The following EXT2 variants were observed in gnomAD, a reference collection of about 807,000 sequenced individuals.
The protein encoded by EXT2 is exostosin-2.
Under a neutral mutation model 81.6 loss-of-function variants are expected in EXT2, and 53 were observed. The observed-to-expected ratio is 0.65, with a 90% confidence interval of 0.52 to 0.82. The LOEUF (loss-of-function observed/expected upper bound fraction) is 0.82. Ranked by LOEUF, EXT2 falls within the 40% of genes least tolerant of loss-of-function variation. The probability of loss-of-function intolerance (pLI) is 0.00; values close to 1 mark genes in which losing one functional copy is unlikely to be tolerated. For synonymous variants in EXT2, 320 were observed against 340.0 expected (o/e 0.94, Z 0.65); for missense variants, 774 against 910.2 (o/e 0.85, Z 1.93).
At chr11:44,150,529 A>T (rs1443268548) in intron 7 of EXT2, among the ~76,000 whole-genome samples, 1 of 152,224 alleles carries the variant, frequency 6.6e-6, no homozygotes, top group African/African-American at 2.4e-5. Context: ...AGAAAGCAAT[A>T]TGTGTTCACT....
intron 1 of EXT2, 73 bp from the exon 2 acceptor site, chr11:44,107,610 T>G (rs1954073189): frequency 3.6e-6 from 5 of 1,392,074 alleles, no homozygotes; most frequent in Non-Finnish European, 4.9e-6. Flanking sequence ...AAAAAAAAGG[T>G]TGAATAGTCT....
intron 4 of EXT2, among the ~76,000 whole-genome samples, chr11:44,123,135 C>G (rs1954343140): frequency 1.3e-5 from 2 of 152,184 alleles, no homozygotes; most frequent in African/African-American, 4.8e-5. Context: ...CACCTTCACT[C>G]ATTGCTTTAT....
At chr11:44,242,147 A>G (rs954444853) in intron 13 of EXT2, among the ~76,000 whole-genome samples, 1 of 152,206 alleles carries the variant, frequency 6.6e-6, no homozygotes, top group African/African-American at 2.4e-5. Flanking sequence ...CTTCTTTAAT[A>G]CGTACTTGCT....
At chr11:44,114,390 ATACATCAGT>A (rs758669910) in intron 4 of EXT2, 89 bp downstream of exon 4, 2 of 1,145,656 alleles carry the variant, frequency 1.7e-6, no homozygotes, top group Non-Finnish European at 2.6e-6. Context: ...AAAGCAACCA[ATACATCAGT>A]TACAGGGTAG....
intron 9 of EXT2, among the ~76,000 whole-genome samples, chr11:44,206,222 C>T (rs920780693): frequency 1.3e-5 from 2 of 152,178 alleles, no homozygotes; most frequent in Admixed American, 1.3e-4. Context: ...GCACCAAAAG[C>T]TGTTTGACTG....
chr11:44,241,115 C>T (rs1956032151), intron 13 of EXT2, among the ~76,000 whole-genome samples: 1 of 152,102 alleles, frequency 6.6e-6, no homozygotes, highest in African/African-American at 2.4e-5. Flanking sequence ...GGTCTGGGAT[C>T]AGAAATCTCA....
chr11:44,173,694 G>A lies in EXT2; in HGVS notation c.1305+1952G>A, dbSNP rs1454308861. Among the ~76,000 whole-genome samples, 3 of 148,924 alleles carry A rather than the reference G, an allele frequency of 2.0e-5. No homozygotes were observed. In the Admixed American group the frequency reaches 2.0e-4, roughly 10 times the overall value. ...CACCATTCTCCTGCCTCAGCCTCCC[G>A]AGTAGCTGGGACTACAGGCGCCCGC... On this transcript the variant is annotated intron_variant, in intron 8 of 13. Coordinates refer to ENST00000533608, the MANE Select transcript of EXT2 (RefSeq NM_207122.2).
At chr11:44,145,552 A>C (rs1284960476) in intron 7 of EXT2, among the ~76,000 whole-genome samples, 2 of 152,174 alleles carry the variant, frequency 1.3e-5, no homozygotes, top group Admixed American at 6.5e-5. Flanking sequence ...GGAAGGGCCA[A>C]ATTAACATTT....
chr11:44,236,185 A>G (rs981726615), intron 12 of EXT2, 108 bp from the exon 13 acceptor site: 14 of 943,180 alleles, frequency 1.5e-5, no homozygotes, highest in Admixed American at 1.4e-4. Flanking sequence ...GTGCACGCGC[A>G]TGCAACATCT....
At chr11:44,210,073 T>C (rs955600371) in intron 10 of EXT2, among the ~76,000 whole-genome samples, 1 of 152,248 alleles carries the variant, frequency 6.6e-6, no homozygotes, top group Admixed American at 6.5e-5. Flanking sequence ...TACATCCATT[T>C]TGGAAAGCAG....
Position 44,222,760 on chromosome 11 carries a change from T to TAA in EXT2, c.1663-9583_1663-9582dup, listed in dbSNP as rs879617366. Among the ~76,000 whole-genome samples the TAA allele has an allele frequency of 6.6e-3, 967 of 146,752 alleles. 9 individuals carry two copies. The highest frequency in any genetic ancestry group is 0.022 in the African/African-American group (886 of 40,316). On this transcript the variant is annotated intron_variant, in intron 10 of 13. Coordinates refer to ENST00000533608, the MANE Select transcript of EXT2 (RefSeq NM_207122.2). ...GATATGACACCAAAAGCATGATCCATAAAAAAAAAAATTGACCAATGAGAC... is the reference window on the plus strand; with the variant it reads ...GATATGACACCAAAAGCATGATCCATAAAAAAAAAAAAATTGACCAATGAGAC...
chr11:44,178,858 G>A (rs1334965103), intron 8 of EXT2, among the ~76,000 whole-genome samples: 4 of 152,066 alleles, frequency 2.6e-5, no homozygotes, highest in African/African-American at 9.7e-5. Flanking sequence ...GTAAGTTTAA[G>A]CTTTTTGAAG....
chr11:44,134,864 A>G (rs1954542944), intron 7 of EXT2, among the ~76,000 whole-genome samples: 1 of 152,142 alleles, frequency 6.6e-6, no homozygotes, highest in Non-Finnish European at 1.5e-5. Context: ...TTTGTACTCA[A>G]TTGACTAGAA....
Position 44,206,852 on chromosome 11 carries a change from T to A in EXT2, c.1555T>A (p.Leu519Ile). 6.2e-7 allele frequency: 1 copy of A among 1,614,140 alleles called. No individual in the cohort carries two copies. Among genetic ancestry groups the A allele is most frequent in the Non-Finnish European group, 8.5e-7 (1 of 1,180,018 alleles). ...LKVVRTAENKLSNRFFPYDEI... is the reference protein window; with the variant it reads ...LKVVRTAENKISNRFFPYDEI... The stretch of plus-strand genomic sequence containing the variant: ...AGTTGTGAGGACTGCTGAAAACAAG[T>A]TAAGTAACCGTTTCTTCCCTTATGA... Residue 519 changes from leucine to isoleucine, a missense_variant, in exon 10 of 14, where the codon TTA (leucine) becomes ATA (isoleucine). Transcript: ENST00000533608.
At chr11:44,166,494 A>T (rs1301572099) in intron 7 of EXT2, among the ~76,000 whole-genome samples, 1 of 152,182 alleles carries the variant, frequency 6.6e-6, no homozygotes, top group African/African-American at 2.4e-5. Flanking sequence ...CTAAATCTGT[A>T]TTTCAGCTTT....
chr11:44,162,171 T>C (rs1273042744), intron 7 of EXT2, among the ~76,000 whole-genome samples: 1 of 152,236 alleles, frequency 6.6e-6, no homozygotes, highest in Non-Finnish European at 1.5e-5. Context: ...TGATGTAAGA[T>C]GTTAACATTA....
intron 8 of EXT2, among the ~76,000 whole-genome samples, chr11:44,175,936 T>C (rs918499865): frequency 2.0e-5 from 3 of 152,172 alleles, no homozygotes; most frequent in Non-Finnish European, 2.9e-5. Flanking sequence ...CCCAATGACT[T>C]ATCTAAGATC....
intron 13 of EXT2, among the ~76,000 whole-genome samples, chr11:44,241,997 A>G (rs549863823): frequency 6.9e-4 from 105 of 152,344 alleles, no homozygotes; most frequent in Admixed American, 8.5e-4. Context: ...GCAGCTGTCA[A>G]CAAATCAAGC....
intron 9 of EXT2, among the ~76,000 whole-genome samples, chr11:44,199,801 T>G (rs1955501307): frequency 6.6e-6 from 1 of 152,204 alleles, no homozygotes; most frequent in South Asian, 2.1e-4. Flanking sequence ...ATTTTGGAGT[T>G]GGGTGTTCAG....
Sources: allele counts gnomAD v4.1 joint callset (sites outside exome capture counted in the v4.1 genomes callset), GRCh38; gene constraint gnomAD v4.1.1; transcripts MANE v1.5; gene names NCBI Gene and HGNC (gene_info 2026-07-23, HGNC 2026-07-21).